MIA2: variants seen among roughly 807,000 people sequenced by gnomAD.
MIA2 encodes the protein melanoma inhibitory activity protein 2.
Under a neutral mutation model 167.8 loss-of-function variants are expected in MIA2, and 127 were observed. That is an observed-to-expected ratio of 0.76 (90% CI 0.66 to 0.88). MIA2 has a LOEUF of 0.88. Among genes scored for constraint, MIA2 ranks in the 40% least tolerant of loss-of-function variants. The probability of loss-of-function intolerance (pLI) is 0.00; values close to 1 mark genes in which losing one functional copy is unlikely to be tolerated. For synonymous variants in MIA2, 552 were observed against 541.9 expected, an observed-to-expected ratio of 1.02 and a Z score of -0.26; for missense variants, 1,690 against 1,624.7, an observed-to-expected ratio of 1.04 and a Z score of -0.69.
intron 6 of MIA2, among the ~76,000 whole-genome samples, chr14:39,256,015 A>G (rs551013810): frequency 6.6e-6 from 1 of 152,354 alleles, no homozygotes; most frequent in East Asian, 1.9e-4. Flanking sequence ...ATTGTCTAAG[A>G]AAATTATGAA....
chr14:39,281,988 A>G (rs1220732182), intron 9 of MIA2, among the ~76,000 whole-genome samples: 3 of 152,126 alleles, frequency 2.0e-5, no homozygotes, highest in Non-Finnish European at 4.4e-5. Flanking sequence ...TATGCTGCCG[A>G]CAAATATGCT....
At chr14:39,295,854 G>A (rs2061356189) in intron 13 of MIA2, among the ~76,000 whole-genome samples, 1 of 152,052 alleles carries the variant, frequency 6.6e-6, no homozygotes, top group Admixed American at 6.6e-5. Flanking sequence ...CACTGCACCT[G>A]GCCTCATGGT....
At chr14:39,269,547 C>T (rs1023648702) in intron 6 of MIA2, among the ~76,000 whole-genome samples, 1 of 150,076 alleles carries the variant, frequency 6.7e-6, no homozygotes, top group African/African-American at 2.5e-5. Flanking sequence ...GAGACAGGGT[C>T]TCATCCCTGT....
At chr14:39,283,116 C>T (rs1369028233) in intron 9 of MIA2, among the ~76,000 whole-genome samples, 2 of 152,034 alleles carry the variant, frequency 1.3e-5, no homozygotes, top group Non-Finnish European at 2.9e-5. Flanking sequence ...AAATATATAC[C>T]ACAGTTTCTT....
rs1566747630 is a variant in MIA2 at position 39,288,457 on chromosome 14, A to ATTT, written c.2131-2561_2131-2560insTTT. On this transcript the variant is annotated intron_variant, in intron 9 of 28. Transcript: ENST00000640607. ...CATATATATATATATATATATATATATATATATATATATATATATTTTTTT... is the reference window on the plus strand; with the variant it reads ...CATATATATATATATATATATATATATTTTATATATATATATATATATTTTTTT... Among the ~76,000 whole-genome samples the ATTT allele has an allele frequency of 7.8e-4, 13 of 16,586 alleles. 3 individuals are homozygous for ATTT. The highest frequency in any genetic ancestry group is 1.8e-3 in the African/African-American group (12 of 6,750). 10.9% of individuals were successfully genotyped at this position (16,586 alleles called of 152,430 possible).
At chr14:39,256,196 A>T (rs926572453) in intron 6 of MIA2, among the ~76,000 whole-genome samples, 2 of 152,176 alleles carry the variant, frequency 1.3e-5, no homozygotes, top group Non-Finnish European at 2.9e-5. Flanking sequence ...TCCTACATTT[A>T]TGTCAACTGC....
At chr14:39,371,792 T>A (rs2074952311) in intron 23 of MIA2, among the ~76,000 whole-genome samples, 1 of 152,222 alleles carries the variant, frequency 6.6e-6, no homozygotes, top group Non-Finnish European at 1.5e-5. Context: ...TCTAATGACT[T>A]AAATTATATT....
At chr14:39,296,508 C>A (rs1002065921) in intron 13 of MIA2, among the ~76,000 whole-genome samples, 2 of 151,662 alleles carry the variant, frequency 1.3e-5, no homozygotes, top group Non-Finnish European at 2.9e-5. Flanking sequence ...TTACACATCT[C>A]TTGACCTCGT....
chr14:39,286,172 C>T (rs560554150), intron 9 of MIA2, among the ~76,000 whole-genome samples: 2 of 152,220 alleles, frequency 1.3e-5, no homozygotes, highest in African/African-American at 2.4e-5. Flanking sequence ...ACTGAGTGAA[C>T]GAGACTCCAT....
At chr14:39,245,491 G>A (rs893382183) in intron 3 of MIA2, among the ~76,000 whole-genome samples, 83 of 152,194 alleles carry the variant, frequency 5.5e-4, no homozygotes, top group African/African-American at 2.0e-3. Context: ...TAAGCTGCAG[G>A]TTGGACAAGC....
At chr14:39,284,092 C>T (rs1274495384) in intron 9 of MIA2, among the ~76,000 whole-genome samples, 1 of 151,954 alleles carries the variant, frequency 6.6e-6, no homozygotes, top group African/African-American at 2.4e-5. Context: ...CTTTTGTAGC[C>T]TAAGTTGTTG....
intron 7 of MIA2, among the ~76,000 whole-genome samples, chr14:39,277,784 A>G (rs2058382861): frequency 1.0e-5 from 1 of 95,842 alleles, no homozygotes; most frequent in Non-Finnish European, 2.1e-5. Context: ...ATATATATTT[A>G]TATTTAAAGA....
Position 39,236,922 on chromosome 14 carries a change from C to T in MIA2, c.116C>T (p.Ala39Val), listed in dbSNP as rs1423976347. Reference sequence around the variant, plus strand: ...ATTTTTCTTTACATGTTTTACATAGCTTTAATAAACAGAGTCTCAGCCATG... The same window carrying T: ...ATTTTTCTTTACATGTTTTACATAGTTTTAATAAACAGAGTCTCAGCCATG... ...LKKCGDLECE[A>V]LINRVSAMRD... Residue 39 changes from alanine to valine, a missense_variant and splice_region_variant, in exon 2 of 29, where the codon GCT (alanine) becomes GTT (valine). Ala to Val is a moderately conservative substitution (Grantham distance 64). Transcript: ENST00000640607. The T allele has an allele frequency of 4.4e-6, 7 of 1,602,200 alleles. No homozygotes were observed. The highest frequency in any genetic ancestry group is 5.9e-6 in the Non-Finnish European group (7 of 1,176,948).
intron 14 of MIA2, among the ~76,000 whole-genome samples, chr14:39,301,227 AT>A (rs1189177798): frequency 1.3e-5 from 2 of 151,618 alleles, no homozygotes; most frequent in African/African-American, 2.4e-5. Flanking sequence ...TGCCTGGCTA[AT>A]TTTTTTTGTA....
intron 23 of MIA2, among the ~76,000 whole-genome samples, chr14:39,366,926 CAGAGT>C (rs2074834315): frequency 6.6e-6 from 1 of 152,196 alleles, no homozygotes; most frequent in Admixed American, 6.5e-5. Context: ...AAATAGTTCT[CAGAGT>C]GTGTGCAAGT....
chr14:39,352,967 T>C (rs1049729135), downstream of MIA2, among the ~76,000 whole-genome samples: 4 of 152,196 alleles, frequency 2.6e-5, no homozygotes, highest in African/African-American at 7.2e-5. Flanking sequence ...CTTGAACTTA[T>C]TCCTCCTGCA....
intron 9 of MIA2, among the ~76,000 whole-genome samples, chr14:39,287,799 G>C (rs1268439037): frequency 6.6e-6 from 1 of 151,946 alleles, no homozygotes; most frequent in Non-Finnish European, 1.5e-5. Flanking sequence ...CTGACCTCAT[G>C]ATCTGCCCGC....
chr14:39,355,098 T>G, downstream of MIA2, among the ~76,000 whole-genome samples: 1 of 151,014 alleles, frequency 6.6e-6, no homozygotes, highest in Non-Finnish European at 1.5e-5. Flanking sequence ...GTGAAGAAAG[T>G]CATTGGTAGC....
At chr14:39,378,580 T>A (rs1232398849) in intron 23 of MIA2, among the ~76,000 whole-genome samples, 1 of 152,250 alleles carries the variant, frequency 6.6e-6, no homozygotes, top group African/African-American at 2.4e-5. Flanking sequence ...CAAGGAAATT[T>A]AGTTACTTCT....
Sources: allele counts gnomAD v4.1 joint callset (sites outside exome capture counted in the v4.1 genomes callset), GRCh38; gene constraint gnomAD v4.1.1; transcripts MANE v1.5; gene names NCBI Gene and HGNC (gene_info 2026-07-23, HGNC 2026-07-21).